Variants in EML5 observed in about 807,000 individuals in gnomAD.
EML5 encodes EMAP like 5.
Under a neutral mutation model 250.0 loss-of-function variants are expected in EML5, and 120 were observed. The observed-to-expected ratio is 0.48, with a 90% confidence interval of 0.41 to 0.56. EML5 has a LOEUF of 0.56. EML5 is among the 20% of genes least tolerant of loss of function. The pLI is 0.00. For synonymous variants in EML5, 771 were observed against 806.5 expected (o/e 0.96, Z 0.75); for missense variants, 2,006 against 2,437.6 (o/e 0.82, Z 3.73).
chr14:88,736,510 C>T lies in EML5; in HGVS notation c.903G>A (p.Gln301=). The T allele has an allele frequency of 6.2e-7, 1 of 1,614,010 alleles. No individual in the cohort carries two copies. The highest frequency in any genetic ancestry group is 8.5e-7 in the Non-Finnish European group (1 of 1,179,896). The change falls in exon 7 of 44, where the codon CAG becomes CAA. Residue 301 remains glutamine (Q), a synonymous_variant. Transcript: ENST00000554922. ...CCACAATTTCAAAAATTTCACTGTCCTGTGTTCCAACTAGAATGTGGTCAC... is the reference window on the plus strand; with the variant it reads ...CCACAATTTCAAAAATTTCACTGTCTTGTGTTCCAACTAGAATGTGGTCAC... ...WRGDHILVGT[Q]DSEIFEIVVQ...
intron 13 of EML5, among the ~76,000 whole-genome samples, chr14:88,704,288 G>T (rs956090160): frequency 1.2e-4 from 19 of 152,196 alleles, no homozygotes; most frequent in African/African-American, 4.3e-4. Flanking sequence ...TCTCTTGCTA[G>T]GTAACACACC....
At position 88,746,282 on chromosome 14, in the gene EML5, C is replaced by G; in HGVS notation, c.359G>C (p.Arg120Pro). ...ACLAFDLDGQ[R>P]LVSVGLDSKN... is the part of the protein sequence containing the mutation. ...TGAATCAAGTCCAACTGAAACCAAG[C>G]GCTGATTTATGTCCAAGAAGTCCAG... The change falls in exon 3 of 44, where the codon CGC (arginine) becomes CCC (proline). Residue 120 changes from arginine to proline, a missense_variant and splice_region_variant. This residue lies in a region of EML5 where 162 missense variants were observed against 212.2 expected (regional missense o/e 0.76). Coordinates refer to ENST00000554922, the MANE Select transcript of EML5 (RefSeq NM_183387.3). The G allele has an allele frequency of 3.7e-6, 6 of 1,612,218 alleles. No individual in the cohort carries two copies. Among genetic ancestry groups the G allele is most frequent in the Non-Finnish European group, 5.1e-6 (6 of 1,179,126 alleles).
intron 19 of EML5, among the ~76,000 whole-genome samples, chr14:88,685,883 A>G (rs2092821263): frequency 6.6e-6 from 1 of 152,160 alleles, no homozygotes; most frequent in South Asian, 2.1e-4. Flanking sequence ...TTTCTCTAGC[A>G]TATTTTCTAT....
intron 17 of EML5, among the ~76,000 whole-genome samples, chr14:88,693,687 A>G (rs955104299): frequency 1.3e-5 from 2 of 150,482 alleles, no homozygotes; most frequent in African/African-American, 4.9e-5. Context: ...AGATAATTTT[A>G]GATTTCCAGA....
chr14:88,720,989 A>G (rs1173719086), intron 8 of EML5, among the ~76,000 whole-genome samples: 1 of 152,176 alleles, frequency 6.6e-6, no homozygotes, highest in Non-Finnish European at 1.5e-5. Flanking sequence ...ACAACAGGCA[A>G]GCAGAGAGCT....
chr14:88,695,464 A>G lies in EML5; in HGVS notation c.2345-10T>C, dbSNP rs772265450. The G allele has an allele frequency of 6.2e-7, 1 of 1,607,922 alleles. No homozygotes were observed. The highest frequency in any genetic ancestry group is 8.5e-7 in the Non-Finnish European group (1 of 1,176,714). ...AAACGTTTCCCATCCGCTGTGGAAA[A>G]TTAATGAGAGAGATAAACTGACTAT... On this transcript the variant is annotated splice_polypyrimidine_tract_variant and intron_variant, in intron 15 of 43. Coordinates refer to ENST00000554922, the MANE Select transcript of EML5 (RefSeq NM_183387.3).
In EML5 at chr14:88,620,811, C is replaced by T; in HGVS notation, c.5318G>A (p.Ser1773Asn). 1 of 1,608,864 alleles carries T rather than the reference C, an allele frequency of 6.2e-7. No individual in the cohort carries two copies. ...CTTCTTTCCCCATATTTTTAGAGAA[C>T]TCACTAGTAAAATGATAAATTCTCC... is the stretch of plus-strand genomic sequence containing the variant. ...KNGEFIILLV[S>N]SLKIWGKKRD... The change falls in exon 39 of 44, where the codon AGT becomes AAT. Residue 1773 changes from serine (S) to asparagine (N), a missense_variant. Coordinates refer to ENST00000554922, the MANE Select transcript of EML5 (RefSeq NM_183387.3). This position sits in a 1 kb window ranked among gnomAD's most constrained non-coding sequence, Gnocchi z 4.3.
chr14:88,634,208 T>C (rs1046852411), intron 33 of EML5, among the ~76,000 whole-genome samples: 3 of 152,158 alleles, frequency 2.0e-5, no homozygotes, highest in African/African-American at 7.2e-5. Context: ...TTTCTCTCTC[T>C]TCCTCCTGCT....
At chr14:88,751,680 C>T (rs891032654) in intron 2 of EML5, among the ~76,000 whole-genome samples, 1 of 151,772 alleles carries the variant, frequency 6.6e-6, no homozygotes, top group African/African-American at 2.4e-5. Flanking sequence ...ATATACTCAC[C>T]CAGAGAATGT....
chr14:88,737,901 T>A (rs563612913), intron 6 of EML5, among the ~76,000 whole-genome samples: 5 of 152,318 alleles, frequency 3.3e-5, no homozygotes, highest in East Asian at 3.9e-4. Context: ...CTTTTAATAA[T>A]CTTTTTACTT....
At chr14:88,694,278 T>C in intron 17 of EML5, 29 bp downstream of exon 17, 1 of 1,450,960 alleles carries the variant, frequency 6.9e-7, no homozygotes, top group Non-Finnish European at 9.5e-7. Context: ...CTTAAAATTC[T>C]ATGGAGTAAA....
intron 1 of EML5, among the ~76,000 whole-genome samples, chr14:88,787,711 T>C (rs541379819): frequency 1.3e-5 from 2 of 152,334 alleles, no homozygotes; most frequent in South Asian, 2.1e-4. Context: ...TTACCAAATA[T>C]AATTGTTACA....
chr14:88,679,636 G>A (rs1016012176), intron 21 of EML5, among the ~76,000 whole-genome samples: 3 of 152,100 alleles, frequency 2.0e-5, no homozygotes, highest in African/African-American at 2.4e-5. Context: ...AGGATGCACT[G>A]AGCCAAGATC....
intron 2 of EML5, among the ~76,000 whole-genome samples, chr14:88,753,435 T>C (rs2094123796): frequency 6.6e-6 from 1 of 152,234 alleles, no homozygotes; most frequent in Non-Finnish European, 1.5e-5. Context: ...CACACTGTAA[T>C]TTGTTTCTGT....
rs1236756162 is a variant in EML5, at chr14:88,705,492, T to C, written c.1922A>G (p.Tyr641Cys). Residue 641 changes from tyrosine (Y) to cysteine (C), a missense_variant, in exon 12 of 44, where the codon TAC becomes TGC. Tyr to Cys is a radical substitution (Grantham distance 194). Transcript: ENST00000554922. The part of the protein sequence containing the change: ...SEIEQETQLT[Y>C]RRQVYKEDLP... ...GATATGGAAAATTACCTGTCGACGGTAGGTGAGCTGTGTCTCTTGTTCAAT... is the reference window on the plus strand; with the variant it reads ...GATATGGAAAATTACCTGTCGACGGCAGGTGAGCTGTGTCTCTTGTTCAAT... 4 of 1,599,030 alleles carry C rather than the reference T, an allele frequency of 2.5e-6. No individual in the cohort carries two copies. Among genetic ancestry groups the C allele is most frequent in the African/African-American group, 2.7e-5 (2 of 74,802 alleles).
chr14:88,704,854 T>G lies in EML5; in HGVS notation c.2051+6A>C. 6.2e-7 allele frequency: 1 copy of G among 1,603,274 alleles called. No homozygotes were observed. The highest frequency in any genetic ancestry group is 8.5e-7 in the Non-Finnish European group (1 of 1,172,890). On this transcript the variant is annotated splice_donor_region_variant and intron_variant, in intron 13 of 43. Transcript: ENST00000554922. ...AACAAATAAATGAAAGATAGTTGTT[T>G]TATACCCGTGAACAAAGTGTAATCG...
At chr14:88,768,340 C>T (rs2094346512) in intron 1 of EML5, among the ~76,000 whole-genome samples, 1 of 152,120 alleles carries the variant, frequency 6.6e-6, no homozygotes, top group African/African-American at 2.4e-5. Flanking sequence ...CTCAAACTTT[C>T]ACCCACTAAT....
intron 20 of EML5, 138 bp downstream of exon 20, chr14:88,684,877 A>C: frequency 1.3e-6 from 1 of 760,476 alleles, no homozygotes; most frequent in Non-Finnish European, 1.9e-6. Context: ...TGTATACATT[A>C]AATTTTTTTT....
chr14:88,736,481 T>C lies in EML5; in HGVS notation c.932A>G (p.Gln311Arg), dbSNP rs757161621. The change falls in exon 7 of 44, where the codon CAA becomes CGA. Residue 311 changes from glutamine to arginine, a missense_variant. Around this residue, in one of 7 missense-constraint regions of EML5, gnomAD observed 1,375 missense variants for 1,590.3 expected, o/e 0.86. Transcript: ENST00000554922. The part of the protein sequence containing the change: ...QDSEIFEIVV[Q>R]ERNKPFLIMQ... ...AATTAGAAAAGGTTTATTTCTTTCT[T>C]GCACCACAATTTCAAAAATTTCACT... 6.2e-7 allele frequency: 1 copy of C among 1,613,962 alleles called. No individual in the cohort carries two copies. Among genetic ancestry groups the C allele is most frequent in the African/African-American group, 1.3e-5 (1 of 74,942 alleles).
Sources: allele counts gnomAD v4.1 joint callset (sites outside exome capture counted in the v4.1 genomes callset), GRCh38; gene constraint gnomAD v4.1.1; regional missense constraint gnomAD v4.1.1; non-coding constraint Gnocchi (gnomAD v3.1); transcripts MANE v1.5; gene names NCBI Gene and HGNC (gene_info 2026-07-23, HGNC 2026-07-21).